Variants in MTF2 observed in about 807,000 individuals in gnomAD.
MTF2 encodes metal-response element-binding transcription factor 2.
In MTF2, 11 loss-of-function variants were observed where a neutral mutation model predicts 79.5. The ratio of observed to expected loss-of-function variants is 0.14; its 90% CI spans 0.09 to 0.23. The LOEUF is 0.23. Ranked by LOEUF, MTF2 falls within the 10% of genes least tolerant of loss-of-function variation. The pLI, the probability that MTF2 is intolerant of heterozygous loss-of-function variation, is 1.00. For missense variants in MTF2, 486 were observed against 711.2 expected, an observed-to-expected ratio of 0.68 and a Z score of 3.60; for synonymous variants, 208 against 232.8, an observed-to-expected ratio of 0.89 and a Z score of 0.97.
chr1:93,086,105 A>G (rs1219992465), intron 1 of MTF2, among the ~76,000 whole-genome samples: 2 of 152,212 alleles, frequency 1.3e-5, no homozygotes, highest in South Asian at 2.1e-4. Flanking sequence ...TTTCAGCTCC[A>G]TTATAATCTT....
Position 93,137,177 on chromosome 1 carries a change from A to G in MTF2, c.*150A>G. 1 of 571,664 alleles carries G rather than the reference A, an allele frequency of 1.7e-6. No individual in the cohort carries two copies. Among genetic ancestry groups the G allele is most frequent in the South Asian group, 2.9e-5 (1 of 34,462 alleles). 35.4% of individuals were successfully genotyped at this position (571,664 alleles called of 1,614,324 possible). A position where few individuals can be genotyped will look rare whatever the true frequency, so the allele number is the denominator to read the frequency against. On this transcript the variant is annotated 3_prime_UTR_variant, in exon 15 of 15. Transcript: ENST00000370298. The stretch of plus-strand genomic sequence containing the variant: ...GGGGATGATACTAGCCTTAACATGT[A>G]CCTGTCAATGTTATGGATATTGTCA...
chr1:93,118,278 TTTA>T, intron 6 of MTF2, 64 bp from the exon 7 acceptor site: 9 of 933,490 alleles, frequency 9.6e-6, no homozygotes, highest in South Asian at 1.9e-5. Flanking sequence ...TTTTTTTTTT[TTTA>T]AAGAAATGAA....
chr1:93,082,169 A>G (rs1230021511), intron 1 of MTF2, among the ~76,000 whole-genome samples: 1 of 152,256 alleles, frequency 6.6e-6, no homozygotes, highest in Non-Finnish European at 1.5e-5. Context: ...TTGTTGTTTA[A>G]AAAAATTACT....
At chr1:93,113,108 A>G (rs1656096754) in intron 3 of MTF2, among the ~76,000 whole-genome samples, 1 of 151,960 alleles carries the variant, frequency 6.6e-6, no homozygotes, top group South Asian at 2.1e-4. Flanking sequence ...AGCTGGGCGC[A>G]GTGCCTTATG....
chr1:93,129,450 T>TA lies in MTF2; in HGVS notation c.1160+6dup. 6.7e-7 allele frequency: 1 copy of TA among 1,487,394 alleles called. No homozygotes were observed. The highest frequency in any genetic ancestry group is 1.4e-5 in the African/African-American group (1 of 71,234). 92.1% of individuals were successfully genotyped at this position (1,487,394 alleles called of 1,614,324 possible). ...ATCCAAACCTATATCTGATTCAAGG[T>TA]AAAAGTTGATCTGTGGCTTAGTTTT... On this transcript the variant is annotated splice_region_variant and intron_variant, in intron 11 of 14. Transcript: ENST00000370298.
intron 11 of MTF2, among the ~76,000 whole-genome samples, chr1:93,130,999 C>G (rs141884044): frequency 6.6e-6 from 1 of 152,074 alleles, no homozygotes; most frequent in East Asian, 1.9e-4. Context: ...ATGTGAAATA[C>G]AGGCAATTGG....
chr1:93,132,467 A>G (rs950702518), intron 11 of MTF2, among the ~76,000 whole-genome samples: 1 of 152,214 alleles, frequency 6.6e-6, no homozygotes, highest in Non-Finnish European at 1.5e-5. Context: ...CTTTCTTTAA[A>G]GGCATCCTCA....
Position 93,134,116 on chromosome 1 carries a change from T to C in MTF2, c.1345T>C (p.Ser449Pro). The C allele has an allele frequency of 6.2e-7, 1 of 1,613,192 alleles. No individual in the cohort carries two copies. The highest frequency in any genetic ancestry group is 8.5e-7 in the Non-Finnish European group (1 of 1,179,602). ...IGRTEGTAHS[S>P]NTSDVDFTGA... is the part of the protein sequence containing the mutation. ...GAGAACTGAGGGAACTGCACATTCA[T>C]CCAATACCTCAGATGTGGATTTCAC... is the stretch of plus-strand genomic sequence containing the variant. Residue 449 changes from serine (S) to proline (P), a missense_variant, in exon 14 of 15, where the codon TCC (serine) becomes CCC (proline). By Grantham distance (74) the Ser-to-Pro change is moderately conservative. Transcript: ENST00000370298.
intron 11 of MTF2, among the ~76,000 whole-genome samples, chr1:93,133,369 A>AAG (rs1647218682): frequency 6.6e-6 from 1 of 152,120 alleles, no homozygotes; most frequent in Non-Finnish European, 1.5e-5. Context: ...TTGAGCTTTT[A>AAG]GGAGTTTTGA....
At chr1:93,089,193 C>T (rs905769609) in intron 1 of MTF2, among the ~76,000 whole-genome samples, 1 of 152,040 alleles carries the variant, frequency 6.6e-6, no homozygotes, top group African/African-American at 2.4e-5. Context: ...CTTTTAGTTG[C>T]AATTTTCAAG....
chr1:93,092,623 G>A (rs183850985), intron 1 of MTF2, among the ~76,000 whole-genome samples: 77 of 152,114 alleles, frequency 5.1e-4, no homozygotes, highest in Non-Finnish European at 8.2e-4. Flanking sequence ...GAATGAATGA[G>A]GAGAGGAATA....
Position 93,118,450 on chromosome 1 carries a change from G to T in MTF2, c.728+10G>T. 1 of 1,550,468 alleles carries T rather than the reference G, an allele frequency of 6.4e-7. No homozygotes were observed. Among genetic ancestry groups the T allele is most frequent in the Non-Finnish European group, 8.7e-7 (1 of 1,147,206 alleles). Reference sequence around the variant, plus strand: ...TGCTATTTGGAGACAGGTGAGAAGGGCATTTGAACTTTACTGGCTGATTTT... The same window carrying T: ...TGCTATTTGGAGACAGGTGAGAAGGTCATTTGAACTTTACTGGCTGATTTT... On this transcript the variant is annotated intron_variant, in intron 7 of 14. Coordinates refer to ENST00000370298, the MANE Select transcript of MTF2 (RefSeq NM_007358.4).
Position 93,137,102 on chromosome 1 carries a change from C to A in MTF2, c.*75C>A. 1 of 1,178,446 alleles carries A rather than the reference C, an allele frequency of 8.5e-7. No homozygotes were observed. The highest frequency in any genetic ancestry group is 1.2e-6 in the Non-Finnish European group (1 of 853,486). The allele number at this position is 1,178,446 out of a possible 1,614,324, so 73.0% of individuals were successfully genotyped here. On this transcript the variant is annotated 3_prime_UTR_variant, in exon 15 of 15. Coordinates refer to ENST00000370298, the MANE Select transcript of MTF2 (RefSeq NM_007358.4). ...AGTTCAAAGCCCTAAAGGAGTCTGGCTTTTACTATCTTTCTTAAAAAAAAA... is the reference window on the plus strand; with the variant it reads ...AGTTCAAAGCCCTAAAGGAGTCTGGATTTTACTATCTTTCTTAAAAAAAAA...
Position 93,109,329 on chromosome 1 carries a change from T to C in MTF2, c.6-901T>C, listed in dbSNP as rs554588588. On this transcript the variant is annotated intron_variant, in intron 1 of 14. Coordinates refer to ENST00000370298, the MANE Select transcript of MTF2 (RefSeq NM_007358.4). ...AAGTACTCTTATAGTGTACTTTCCTTTTTTTTTGTTTTTTTGTTTTTTGAG... is the reference window on the plus strand; with the variant it reads ...AAGTACTCTTATAGTGTACTTTCCTCTTTTTTTGTTTTTTTGTTTTTTGAG... Among the ~76,000 whole-genome samples the C allele has an allele frequency of 3.3e-4, 50 of 151,892 alleles. 2 individuals are homozygous for C. In the South Asian group the frequency reaches 9.6e-3, roughly 29 times the overall value.
chr1:93,105,904 G>T (rs1023395876), intron 1 of MTF2, among the ~76,000 whole-genome samples: 23 of 152,130 alleles, frequency 1.5e-4, no homozygotes, highest in Non-Finnish European at 1.0e-4. Context: ...TCAAACTCCT[G>T]ACCTCGTGAT....
intron 1 of MTF2, among the ~76,000 whole-genome samples, chr1:93,081,564 T>C (rs533303391): frequency 1.3e-5 from 2 of 152,350 alleles, no homozygotes; most frequent in Admixed American, 6.5e-5. Flanking sequence ...GTACTTTGTT[T>C]TCCCTGTTCT....
chr1:93,135,832 T>G (rs926338888), intron 14 of MTF2, among the ~76,000 whole-genome samples: 1 of 152,052 alleles, frequency 6.6e-6, no homozygotes, highest in African/African-American at 2.4e-5. Context: ...AGAGAACAAT[T>G]TTTTGAGTTG....
intron 1 of MTF2, among the ~76,000 whole-genome samples, chr1:93,093,422 A>G (rs1037809871): frequency 6.6e-6 from 1 of 152,184 alleles, no homozygotes; most frequent in Non-Finnish European, 1.5e-5. Flanking sequence ...TCTTAGAGAT[A>G]TCCTCCTGGA....
rs936161088 is a variant in MTF2, at chr1:93,138,307, G to T, written c.*1280G>T. 2 of 152,098 alleles carry T rather than the reference G, an allele frequency of 1.3e-5. No individual in the cohort carries two copies. The highest frequency in any genetic ancestry group is 1.3e-4 in the Admixed American group (2 of 15,270). The allele number at this position is 152,098 out of a possible 1,614,324, so 9.4% of individuals were successfully genotyped here. ...ATTTGTTTTCCTTTTTAGCCAAAGAGTGAACAGAAGATTTTCTTATTTTGG... is the reference window on the plus strand; with the variant it reads ...ATTTGTTTTCCTTTTTAGCCAAAGATTGAACAGAAGATTTTCTTATTTTGG... On this transcript the variant is annotated 3_prime_UTR_variant, in exon 15 of 15. Coordinates refer to ENST00000370298, the MANE Select transcript of MTF2 (RefSeq NM_007358.4).
Sources: gnomAD v4.1 joint callset for allele counts (sites outside exome capture counted in the v4.1 genomes callset) on GRCh38, gnomAD v4.1.1 for gene constraint, MANE v1.5 for transcripts, NCBI Gene and HGNC (gene_info 2026-07-23, HGNC 2026-07-21) for gene names.